TENM3: variants seen among roughly 807,000 people sequenced by gnomAD.
The protein encoded by TENM3 is teneurin transmembrane protein 3, also known as teneurin-3.
Under a neutral mutation model 255.1 loss-of-function variants are expected in TENM3, and 63 were observed. The ratio of observed to expected loss-of-function variants is 0.25; its 90% CI spans 0.20 to 0.30. The LOEUF is 0.30. Ranked by LOEUF, TENM3 falls within the 10% of genes least tolerant of loss-of-function variation. The pLI, the probability that TENM3 is intolerant of heterozygous loss-of-function variation, is 1.00. For missense variants in TENM3, 2,929 were observed against 3,461.1 expected, an observed-to-expected ratio of 0.85 and a Z score of 3.86; for synonymous variants, 1,306 against 1,322.3, an observed-to-expected ratio of 0.99 and a Z score of 0.27.
At chr4:181,816,824 T>C in the TENM3 span, among the ~76,000 whole-genome samples, 3 of 152,238 alleles carry the variant, frequency 2.0e-5, no homozygotes, top group Non-Finnish European at 2.9e-5. Context: ...GCTTAAGTTA[T>C]AGTCTTATCC....
intron 3 of TENM3, among the ~76,000 whole-genome samples, chr4:182,543,005 C>T (rs553932428): frequency 6.6e-6 from 1 of 152,302 alleles, no homozygotes; most frequent in South Asian, 2.1e-4. Context: ...GAACCCAAGC[C>T]GTCTAACTTT....
intron 6 of TENM3, among the ~76,000 whole-genome samples, chr4:182,660,312 T>C (rs1754121896): frequency 6.6e-6 from 1 of 152,130 alleles, no homozygotes; most frequent in Non-Finnish European, 1.5e-5. Flanking sequence ...ATATAAAGTA[T>C]ACGAAGGGCC....
At chr4:182,691,909 A>T (rs1442621801) in intron 12 of TENM3, among the ~76,000 whole-genome samples, 1 of 152,214 alleles carries the variant, frequency 6.6e-6, no homozygotes, top group East Asian at 1.9e-4. Context: ...TAGATGCTCC[A>T]CTACAAAAAT....
chr4:182,238,165 G>A (rs978926342), intron 1 of TENM3, among the ~76,000 whole-genome samples: 5 of 152,032 alleles, frequency 3.3e-5, no homozygotes, highest in South Asian at 4.2e-4. Flanking sequence ...TCCCTTCCTC[G>A]TGTCTTGGCT....
chr4:182,775,794 T>G (rs980134909), intron 24 of TENM3, among the ~76,000 whole-genome samples: 11 of 152,222 alleles, frequency 7.2e-5, no homozygotes, highest in Non-Finnish European at 1.3e-4. Flanking sequence ...TTCAAAAAAT[T>G]ATGGGTTCCA....
intron 4 of TENM3, among the ~76,000 whole-genome samples, chr4:182,602,233 T>C (rs569542261): frequency 1.7e-4 from 26 of 152,352 alleles, no homozygotes; most frequent in African/African-American, 6.3e-4. Context: ...TCTTTATTTC[T>C]TCTCTGCCCC....
At chr4:181,994,566 T>TG in the TENM3 span, among the ~76,000 whole-genome samples, 97 of 150,264 alleles carry the variant, frequency 6.5e-4, no homozygotes, top group African/African-American at 1.9e-3. Context: ...TTTTTTTTTT[T>TG]TTTGTGAACT....
intron 1 of TENM3, among the ~76,000 whole-genome samples, chr4:182,146,651 A>AAAC (rs1167577593): frequency 6.6e-6 from 1 of 152,186 alleles, no homozygotes; most frequent in African/African-American, 2.4e-5. Flanking sequence ...AGTTCAAATC[A>AAAC]AACACACATT....
chr4:182,005,552 G>A, the TENM3 span, among the ~76,000 whole-genome samples: 1 of 152,120 alleles, frequency 6.6e-6, no homozygotes, highest in East Asian at 1.9e-4. Context: ...GGCTATACAG[G>A]TTCTTCTTTG....
intron 3 of TENM3, among the ~76,000 whole-genome samples, chr4:182,438,632 C>T (rs1315277910): frequency 6.6e-6 from 1 of 152,046 alleles, no homozygotes; most frequent in Non-Finnish European, 1.5e-5. Context: ...TAGAATACAA[C>T]CAAAAAAGAT....
rs1419323589 is a variant in TENM3, at chr4:182,679,948, T to C, written c.1537+72T>C. On this transcript the variant is annotated intron_variant, in intron 8 of 27. Transcript: ENST00000511685. ...GCCGTGTTTAATAAAAACTAAATTATCTGTACCAATTTGGGGTAATTCCTA... is the reference window on the plus strand; with the variant it reads ...GCCGTGTTTAATAAAAACTAAATTACCTGTACCAATTTGGGGTAATTCCTA... 2.8e-5 allele frequency: 37 copies of C among 1,331,692 alleles called. No individual in the cohort carries two copies. In the South Asian group the frequency reaches 4.2e-4, roughly 15 times the overall value. The allele number at this position is 1,331,692 out of a possible 1,614,324, so 82.5% of individuals were successfully genotyped here.
At chr4:182,215,343 G>A (rs904304562) in intron 1 of TENM3, among the ~76,000 whole-genome samples, 4 of 152,140 alleles carry the variant, frequency 2.6e-5, no homozygotes, top group African/African-American at 4.8e-5. Context: ...GAATTGTGGC[G>A]AGCTCTATCT....
At chr4:181,808,542 C>T in the TENM3 span, among the ~76,000 whole-genome samples, 7 of 152,144 alleles carry the variant, frequency 4.6e-5, no homozygotes, top group Admixed American at 2.0e-4. Context: ...GAGATGTCTA[C>T]CTATCTATTT....
chr4:182,618,862 G>T (rs1216225716), intron 4 of TENM3, among the ~76,000 whole-genome samples: 10 of 152,092 alleles, frequency 6.6e-5, no homozygotes, highest in Non-Finnish European at 1.5e-5. Flanking sequence ...GAACTTCTCT[G>T]CTCAGCAATA....
At chr4:181,724,422 T>C in the TENM3 span, among the ~76,000 whole-genome samples, 1 of 152,166 alleles carries the variant, frequency 6.6e-6, no homozygotes, top group African/African-American at 2.4e-5. Flanking sequence ...CCAACTCAAA[T>C]TATCTCAATT....
chr4:182,102,828 G>T, the TENM3 span, among the ~76,000 whole-genome samples: 53,887 of 151,954 alleles, frequency 0.35, 10,585 homozygotes, highest in East Asian at 0.53. Context: ...ATCTCCCAGG[G>T]TTAGTGGGAG....
At chr4:181,576,791 CT>C in the TENM3 span, among the ~76,000 whole-genome samples, 3 of 143,184 alleles carry the variant, frequency 2.1e-5, no homozygotes, top group Non-Finnish European at 4.6e-5. Context: ...CCGGATTTTT[CT>C]TTTTCTTTTC....
At chr4:181,834,774 C>T in the TENM3 span, 5 of 152,146 alleles carry the variant, frequency 3.3e-5, no homozygotes, top group African/African-American at 1.2e-4. Context: ...CTGTTGGGGA[C>T]AGATTTGGGG....
At chr4:181,749,946 C>A in the TENM3 span, among the ~76,000 whole-genome samples, 1 of 152,098 alleles carries the variant, frequency 6.6e-6, no homozygotes, top group Non-Finnish European at 1.5e-5. Context: ...TTATTTATTT[C>A]TCTGGATTCA....
Sources: gnomAD v4.1 joint callset for allele counts (sites outside exome capture counted in the v4.1 genomes callset) on GRCh38, gnomAD v4.1.1 for gene constraint, MANE v1.5 for transcripts, NCBI Gene and HGNC (gene_info 2026-07-23, HGNC 2026-07-21) for gene names.